FRMD4B: variants seen among roughly 807,000 people sequenced by gnomAD.
The protein encoded by FRMD4B is FERM domain containing 4B.
FRMD4B carries 74 observed loss-of-function variants against 141.5 expected under a neutral mutation model. The ratio of observed to expected loss-of-function variants is 0.52; its 90% CI spans 0.43 to 0.63. The LOEUF is 0.63. Among genes scored for constraint, FRMD4B ranks in the 30% least tolerant of loss-of-function variants. The pLI is 0.00. For missense variants in FRMD4B, 1,366 were observed against 1,253.4 expected, an observed-to-expected ratio of 1.09 and a Z score of -1.36; for synonymous variants, 506 against 467.9, an observed-to-expected ratio of 1.08 and a Z score of -1.05.
At chr3:69,444,926 A>G (rs1366015375) in intron 1 of FRMD4B, among the ~76,000 whole-genome samples, 1 of 152,222 alleles carries the variant, frequency 6.6e-6, no homozygotes, top group African/African-American at 2.4e-5. Context: ...ACGTGGAGAA[A>G]TTAAGCAATT....
chr3:69,327,613 T>C lies in FRMD4B; in HGVS notation c.163-14096A>G, dbSNP rs968993473. Among the ~76,000 whole-genome samples the C allele has an allele frequency of 2.6e-5, 4 of 152,220 alleles. No individual in the cohort carries two copies. In the South Asian group the frequency reaches 8.3e-4, roughly 32 times the overall value. ...AAGTCTCTTTATTTTTTGTGACTCA[T>C]GTATAGGTAGAGGCTGAAATAAGTC... On this transcript the variant is annotated intron_variant, in intron 1 of 22. Coordinates refer to ENST00000398540, the MANE Select transcript of FRMD4B (RefSeq NM_015123.3).
chr3:69,340,085 G>A (rs1271629259), intron 1 of FRMD4B, among the ~76,000 whole-genome samples: 3 of 152,154 alleles, frequency 2.0e-5, no homozygotes, highest in Non-Finnish European at 4.4e-5. Flanking sequence ...CTCAAGGCAT[G>A]AGGGGTTGGG....
upstream of FRMD4B, among the ~76,000 whole-genome samples, chr3:69,388,869 A>G (rs999555690): frequency 2.6e-5 from 4 of 152,174 alleles, no homozygotes; most frequent in African/African-American, 9.7e-5. Context: ...TTTAGTGAGT[A>G]TAAGTGCAGT....
intron 7 of FRMD4B, among the ~76,000 whole-genome samples, chr3:69,226,394 C>G (rs2093254336): frequency 6.6e-6 from 1 of 150,746 alleles, no homozygotes; most frequent in African/African-American, 2.4e-5. Context: ...TTAATAATCT[C>G]TCTTATGTTC....
upstream of FRMD4B, among the ~76,000 whole-genome samples, chr3:69,387,469 A>T (rs1333170532): frequency 6.6e-6 from 1 of 152,172 alleles, no homozygotes; most frequent in East Asian, 1.9e-4. Flanking sequence ...GTGCTGTAGC[A>T]AATTTCAGGA....
upstream of FRMD4B, chr3:69,386,172 GGTGCCCGC>G (rs1704249222): frequency 3.4e-5 from 19 of 558,222 alleles, no homozygotes; most frequent in South Asian, 5.1e-4. Context: ...CCTGGGATTG[GGTGCCCGC>G]CAGCCAACGG....
chr3:69,409,535 C>G (rs558005537), intron 2 of FRMD4B, among the ~76,000 whole-genome samples: 1 of 152,318 alleles, frequency 6.6e-6, no homozygotes, highest in African/African-American at 2.4e-5. Context: ...CACCAGCATT[C>G]ACCCTCATTC....
intron 5 of FRMD4B, among the ~76,000 whole-genome samples, chr3:69,278,130 A>C (rs979683321): frequency 2.0e-5 from 3 of 152,380 alleles, no homozygotes; most frequent in Middle Eastern, 3.4e-3. Flanking sequence ...CTGGGATTAC[A>C]GGCTTGAGCC....
intron 10 of FRMD4B, 43 bp from the exon 11 acceptor site, chr3:69,216,392 C>G: frequency 1.1e-6 from 1 of 881,916 alleles, no homozygotes; most frequent in East Asian, 2.7e-5. Context: ...TAGCTGTTAA[C>G]TCTTCTAGAA....
rs1322793149 is a variant in FRMD4B, at chr3:69,181,216, T to C, written c.2534A>G (p.Tyr845Cys). The change falls in exon 21 of 23, where the codon TAT becomes TGT. Residue 845 changes from tyrosine (Y) to cysteine (C), a missense_variant. Physicochemically the swap from Tyr to Cys is radical, Grantham distance 194. Transcript: ENST00000398540. ...VNPSYRSSAH[Y>C]GYERQRDYSR... ...GTAGTCCCTCTGGCGCTCATATCCA[T>C]AGTGGGCTGAGGACCGGTAGGAAGG... is the stretch of plus-strand genomic sequence containing the variant. 2 of 1,614,002 alleles carry C rather than the reference T, an allele frequency of 1.2e-6. No homozygotes were observed. The highest frequency in any genetic ancestry group is 2.2e-5 in the East Asian group (1 of 44,878).
chr3:69,249,427 G>T (rs1194700188), intron 6 of FRMD4B, among the ~76,000 whole-genome samples, 179 bp from the exon 7 acceptor site: 1 of 152,178 alleles, frequency 6.6e-6, no homozygotes, highest in African/African-American at 2.4e-5. Flanking sequence ...AACCCTGACT[G>T]TCCTGTTAGG....
intron 1 of FRMD4B, among the ~76,000 whole-genome samples, chr3:69,349,378 C>G (rs183806981): frequency 2.0e-5 from 3 of 152,122 alleles, no homozygotes; most frequent in Non-Finnish European, 2.9e-5. Flanking sequence ...GAATCAATAT[C>G]GTGAAAATGG....
At chr3:69,187,556 T>C (rs1332511922) in intron 19 of FRMD4B, among the ~76,000 whole-genome samples, 1 of 146,208 alleles carries the variant, frequency 6.8e-6, no homozygotes, top group Non-Finnish European at 1.5e-5. Context: ...AAAAAAAATA[T>C]ATATATATAT....
At chr3:69,433,735 C>T (rs1705215465) in intron 1 of FRMD4B, among the ~76,000 whole-genome samples, 1 of 152,184 alleles carries the variant, frequency 6.6e-6, no homozygotes, top group Non-Finnish European at 1.5e-5. Context: ...TTGAGAGTTT[C>T]CTACAGGCAA....
At chr3:69,427,643 G>GTTTTTTTTTT (rs774316609) in intron 2 of FRMD4B, among the ~76,000 whole-genome samples, 977 of 36,252 alleles carry the variant, frequency 0.027, 216 homozygotes, top group East Asian at 0.043. Flanking sequence ...CTAGGTAAAT[G>GTTTTTTTTTT]TTTTTTTTTT....
chr3:69,433,726 T>C (rs1371086134), intron 1 of FRMD4B, among the ~76,000 whole-genome samples: 1 of 152,212 alleles, frequency 6.6e-6, no homozygotes, highest in Non-Finnish European at 1.5e-5. Flanking sequence ...GAGAAAAGGT[T>C]GAGAGTTTCC....
At chr3:69,198,383 C>G in intron 12 of FRMD4B, 1 of 263,978 alleles carries the variant, frequency 3.8e-6, no homozygotes, top group Non-Finnish European at 7.2e-6. Context: ...GAAGGTACCA[C>G]TTCAACCCAC....
chr3:69,285,664 C>G (rs747774089), intron 5 of FRMD4B, among the ~76,000 whole-genome samples: 30 of 151,810 alleles, frequency 2.0e-4, no homozygotes, highest in Non-Finnish European at 2.8e-4. Flanking sequence ...GCCAATATGG[C>G]GAAACCCCAT....
At chr3:69,246,112 T>C (rs1042679651) in intron 7 of FRMD4B, among the ~76,000 whole-genome samples, 1 of 152,112 alleles carries the variant, frequency 6.6e-6, no homozygotes, top group African/African-American at 2.4e-5. Context: ...GCTGGGATTA[T>C]AGGCGTGAGC....
Sources: allele counts gnomAD v4.1 joint callset (sites outside exome capture counted in the v4.1 genomes callset), GRCh38; gene constraint gnomAD v4.1.1; transcripts MANE v1.5; gene names NCBI Gene and HGNC (gene_info 2026-07-23, HGNC 2026-07-21).